Variants in SMG6 observed in about 807,000 individuals in gnomAD.
The protein encoded by SMG6 is SMG6 nonsense mediated mRNA decay factor, also known as telomerase-binding protein EST1A.
Under a neutral mutation model 142.2 loss-of-function variants are expected in SMG6, and 66 were observed. That is an observed-to-expected ratio of 0.46 (90% CI 0.38 to 0.57). SMG6 has a LOEUF of 0.57. Ranked by LOEUF, SMG6 falls within the 20% of genes least tolerant of loss-of-function variation. The pLI is 0.00. For missense variants in SMG6, 1,793 were observed against 1,832.0 expected, an observed-to-expected ratio of 0.98 and a Z score of 0.39; for synonymous variants, 779 against 702.4, an observed-to-expected ratio of 1.11 and a Z score of -1.72.
At chr17:2,298,210 G>A (rs962942270) in intron 2 of SMG6, among the ~76,000 whole-genome samples, 155 bp from the exon 3 acceptor site, 1 of 152,194 alleles carries the variant, frequency 6.6e-6, no homozygotes, top group Admixed American at 6.5e-5. Flanking sequence ...CCATTCTGCA[G>A]AGCAGAATGT....
Position 2,303,622 on chromosome 17 carries a change from G to C in SMG6, c.88+11C>G. The C allele has an allele frequency of 6.9e-7, 1 of 1,448,320 alleles. No homozygotes were observed. The highest frequency in any genetic ancestry group is 9.0e-7 in the Non-Finnish European group (1 of 1,105,370). 89.7% of individuals were successfully genotyped at this position (1,448,320 alleles called of 1,614,324 possible). A position where few individuals can be genotyped will look rare whatever the true frequency, so the allele number is the denominator to read the frequency against. On this transcript the variant is annotated intron_variant, in intron 1 of 18. Coordinates refer to ENST00000263073, the MANE Select transcript of SMG6 (RefSeq NM_017575.5). ...GCAGGCCCGGCCCAGGAGCTGGGCGGCGCGACTCACCTCTGCTCCCGGCCT... is the reference window on the plus strand; with the variant it reads ...GCAGGCCCGGCCCAGGAGCTGGGCGCCGCGACTCACCTCTGCTCCCGGCCT...
Position 2,236,534 on chromosome 17 carries a change from T to C in SMG6, c.2827A>G (p.Met943Val), listed in dbSNP as rs1362739559. The change falls in exon 10 of 19, where the codon ATG becomes GTG. Residue 943 changes from methionine to valine, a missense_variant. Physicochemically the swap from Met to Val is conservative, Grantham distance 21 (BLOSUM62 1). Around this residue, in one of 3 missense-constraint regions of SMG6, gnomAD observed 1,597 missense variants for 1,584.6 expected, o/e 1.01. Transcript: ENST00000263073. ...TGTACTGCAAACATATTGATGGTCA[T>C]AAGCTGCAGCATGCGGGTACTTCCA... Reference protein sequence around the residue: ...PIGSTRMLQLMTINMFAVHNS... With the variant: ...PIGSTRMLQLVTINMFAVHNS... 2 of 1,613,574 alleles carry C rather than the reference T, an allele frequency of 1.2e-6. No individual in the cohort carries two copies. Among genetic ancestry groups the C allele is most frequent in the Non-Finnish European group, 1.7e-6 (2 of 1,179,800 alleles).
At chr17:2,062,028 C>T (rs1413269693) in intron 18 of SMG6, 1 of 160,228 alleles carries the variant, frequency 6.2e-6, no homozygotes, top group African/African-American at 2.4e-5. Flanking sequence ...AAGTCCTCTC[C>T]CTCTAAAAGC....
chr17:2,140,135 T>A (rs1376927358), intron 13 of SMG6, among the ~76,000 whole-genome samples: 1 of 151,834 alleles, frequency 6.6e-6, no homozygotes, highest in Non-Finnish European at 1.5e-5. Context: ...AGACCTCGGC[T>A]CACTGCAACC....
At chr17:2,245,773 T>C (rs1306387073) in intron 8 of SMG6, among the ~76,000 whole-genome samples, 1 of 152,198 alleles carries the variant, frequency 6.6e-6, no homozygotes, top group Non-Finnish European at 1.5e-5. Flanking sequence ...CTCAACCTCC[T>C]GGGCTCAAGT....
At chr17:2,093,545 A>G (rs1389855144) in intron 13 of SMG6, among the ~76,000 whole-genome samples, 2 of 151,832 alleles carry the variant, frequency 1.3e-5, no homozygotes, top group African/African-American at 4.8e-5. Context: ...CTCTCTTCAG[A>G]GGTGGGAGGG....
intron 15 of SMG6, among the ~76,000 whole-genome samples, chr17:2,079,769 T>G (rs542257794): frequency 6.6e-6 from 1 of 152,146 alleles, no homozygotes; most frequent in African/African-American, 2.4e-5. Flanking sequence ...AGCAGGGACG[T>G]GAATCTGTCT....
chr17:2,124,378 C>T (rs913106119), intron 13 of SMG6, among the ~76,000 whole-genome samples: 6 of 152,230 alleles, frequency 3.9e-5, no homozygotes, highest in African/African-American at 1.4e-4. Flanking sequence ...TCTGAATACA[C>T]AAGTAATATT....
At chr17:2,202,933 T>A (rs1195166573) in intron 10 of SMG6, among the ~76,000 whole-genome samples, 1 of 152,110 alleles carries the variant, frequency 6.6e-6, no homozygotes, top group African/African-American at 2.4e-5. Flanking sequence ...GAGACAATGA[T>A]CTCCAGAAGT....
In SMG6 at chr17:2,091,966, G is replaced by A. The variant is rs565185683; in HGVS notation, c.3358-6065C>T. ...CAAAGTGCTGGGATTACAGGCGTGA[G>A]CCACTGCGCCTGGCCCCTTTTTCTT... On this transcript the variant is annotated intron_variant, in intron 13 of 18. Coordinates refer to ENST00000263073, the MANE Select transcript of SMG6 (RefSeq NM_017575.5). Among the ~76,000 whole-genome samples the A allele has an allele frequency of 4.3e-4, 65 of 151,508 alleles. 1 individual carries two copies. In the East Asian group the frequency reaches 0.012, roughly 28 times the overall value.
intron 13 of SMG6, among the ~76,000 whole-genome samples, chr17:2,133,366 A>T (rs1001789293): frequency 6.6e-6 from 1 of 152,202 alleles, no homozygotes; most frequent in African/African-American, 2.4e-5. Flanking sequence ...CTTATGTTTA[A>T]TTCTTTGGAA....
intron 8 of SMG6, among the ~76,000 whole-genome samples, chr17:2,275,370 T>TGG (rs2074626846): frequency 6.6e-6 from 1 of 152,168 alleles, no homozygotes; most frequent in East Asian, 1.9e-4. Context: ...TGCAGTGAGC[T>TGG]GAGATCACGC....
rs1169201334 is a variant in SMG6, at chr17:2,299,526, C to T, written c.1227G>A (p.Leu409=). 1.2e-6 allele frequency: 2 copies of T among 1,614,122 alleles called. No homozygotes were observed. Among genetic ancestry groups the T allele is most frequent in the African/African-American group, 1.3e-5 (1 of 75,010 alleles). Residue 409 remains leucine, a synonymous_variant, in exon 2 of 19, where the codon CTG becomes CTA. Transcript: ENST00000263073. The surrounding 1 kb of genome is among the most constrained non-coding windows in gnomAD (Gnocchi z 4.3). ...QELRGRGRGI[L]ILPAHTTLSV... ...ATAGGGTGGTATGGGCAGGCAAAAT[C>T]AGAATGCCACGACCACGACCCCGAA... is the stretch of plus-strand genomic sequence containing the variant.
chr17:2,168,751 GTT>G (rs2071416115), intron 13 of SMG6, among the ~76,000 whole-genome samples: 1 of 151,680 alleles, frequency 6.6e-6, no homozygotes, highest in South Asian at 2.1e-4. Context: ...GTTTTGTGTT[GTT>G]TTGTTTTGTT....
intron 13 of SMG6, chr17:2,101,791 G>A (rs1051072063): frequency 6.6e-6 from 1 of 152,262 alleles, no homozygotes; most frequent in Non-Finnish European, 1.5e-5. Context: ...TTATAGAGGT[G>A]AGGAAATTAA....
intron 13 of SMG6, among the ~76,000 whole-genome samples, chr17:2,120,282 G>T (rs2069646362): frequency 6.6e-6 from 1 of 152,176 alleles, no homozygotes; most frequent in Non-Finnish European, 1.5e-5. Flanking sequence ...CAGGCTTTGT[G>T]AAAATATTCA....
In SMG6 at chr17:2,172,770, G is replaced by A. The variant is rs370985738; in HGVS notation, c.3245C>T (p.Pro1082Leu). The change falls in exon 13 of 19, where the codon CCG becomes CTG. Residue 1082 changes from proline to leucine, a missense_variant. By Grantham distance (98) the Pro-to-Leu change is moderately conservative. Around this residue, in one of 3 missense-constraint regions of SMG6, gnomAD observed 1,597 missense variants for 1,584.6 expected, o/e 1.01. Coordinates refer to ENST00000263073, the MANE Select transcript of SMG6 (RefSeq NM_017575.5). ...NQSEVPLYKD[P>L]DDDLTLLILE... ...GATAAGAAGGGTGAGGTCATCATCC[G>A]GGTCCTTGTACAGTGGCACCTCAGA... The A allele has an allele frequency of 1.3e-5, 21 of 1,613,998 alleles. No individual in the cohort carries two copies. The highest frequency in any genetic ancestry group is 5.0e-5 in the Admixed American group (3 of 59,998).
intron 9 of SMG6, among the ~76,000 whole-genome samples, chr17:2,240,555 C>T (rs755414704): frequency 2.6e-5 from 4 of 152,002 alleles, no homozygotes; most frequent in Non-Finnish European, 5.9e-5. Flanking sequence ...ATCTTTAAAC[C>T]ACTGATCAGG....
At chr17:2,262,661 T>A (rs1469681496) in intron 8 of SMG6, among the ~76,000 whole-genome samples, 3 of 152,238 alleles carry the variant, frequency 2.0e-5, no homozygotes, top group Non-Finnish European at 4.4e-5. Context: ...CCTGAGTTAA[T>A]CTCTTTTACC....
Sources: gnomAD v4.1 joint callset for allele counts (sites outside exome capture counted in the v4.1 genomes callset) on GRCh38, gnomAD v4.1.1 for gene constraint, gnomAD v4.1.1 regional missense constraint, Gnocchi (gnomAD v3.1) non-coding constraint, MANE v1.5 for transcripts, NCBI Gene and HGNC (gene_info 2026-07-23, HGNC 2026-07-21) for gene names.